CLN6: variants seen among roughly 807,000 people sequenced by gnomAD.
CLN6 encodes CLN6 transmembrane ER protein.
Under a neutral mutation model 33.3 loss-of-function variants are expected in CLN6, and 22 were observed. The ratio of observed to expected loss-of-function variants is 0.66; its 90% CI spans 0.47 to 0.94. The LOEUF (loss-of-function observed/expected upper bound fraction) is 0.94, where lower values mean the gene tolerates loss of function less well. Ranked by LOEUF, CLN6 falls within the 40% of genes least tolerant of loss-of-function variation. The pLI, the probability that CLN6 is intolerant of heterozygous loss-of-function variation, is 0.00. For missense variants in CLN6, 387 were observed against 417.1 expected, an observed-to-expected ratio of 0.93 and a Z score of 0.63; for synonymous variants, 201 against 174.6, an observed-to-expected ratio of 1.15 and a Z score of -1.19.
chr15:68,215,201 C>A (rs899006877), intron 2 of CLN6: 1 of 152,242 alleles, frequency 6.6e-6, no homozygotes, highest in Non-Finnish European at 1.5e-5. Context: ...TCTCTTTTAA[C>A]ACAGAAATGC....
intron 1 of CLN6, among the ~76,000 whole-genome samples, chr15:68,235,587 AATATATATATATATATAT>A (rs59823320): frequency 1.5e-4 from 14 of 95,092 alleles, no homozygotes; most frequent in African/African-American, 5.1e-4. Context: ...AATAAAAATA[AATATATATATATATATAT>A]ATATATATAT....
chr15:68,241,581 G>A lies in CLN6; in HGVS notation c.179+15109C>T, dbSNP rs1440904294. On this transcript the variant is annotated intron_variant, in intron 1 of 6. Transcript: ENST00000538696. This position sits in a 1 kb window ranked among gnomAD's most constrained non-coding sequence, Gnocchi z 4.2. ...ATGGGAAGCATCATGATTGCCTGAA[G>A]GAAGAAATATCTCTGAGGACACTGA... Among the ~76,000 whole-genome samples the A allele has an allele frequency of 6.6e-6, 1 of 152,144 alleles. No individual in the cohort carries two copies. The highest frequency in any genetic ancestry group is 2.4e-5 in the African/African-American group (1 of 41,418).
At position 68,209,454 on chromosome 15, in the gene CLN6, A is replaced by C. The variant is rs1595817039; in HGVS notation, c.665+183T>G. The stretch of plus-strand genomic sequence containing the variant: ...CCTGCCACACCCAGGCCTGGGCTTC[A>C]TGGAAACAAAGAGGCCACCACAGGG... On this transcript the variant is annotated intron_variant, in intron 6 of 6. Transcript: ENST00000249806. This position sits in a 1 kb window ranked among gnomAD's most constrained non-coding sequence, Gnocchi z 4.9. Among the ~76,000 whole-genome samples, 1 of 152,256 alleles carries C rather than the reference A, an allele frequency of 6.6e-6. No homozygotes were observed. Among genetic ancestry groups the C allele is most frequent in the South Asian group, 2.1e-4 (1 of 4,826 alleles).
chr15:68,223,030 T>C (rs1156959934), intron 1 of CLN6, among the ~76,000 whole-genome samples: 4 of 151,844 alleles, frequency 2.6e-5, no homozygotes, highest in Admixed American at 6.6e-5. Flanking sequence ...CCAGAGACCT[T>C]TGTTCACGTG....
At chr15:68,244,429 A>C (rs1892309318) in intron 1 of CLN6, among the ~76,000 whole-genome samples, 1 of 152,140 alleles carries the variant, frequency 6.6e-6, no homozygotes, top group Non-Finnish European at 1.5e-5. Context: ...AAAGAAAAAA[A>C]AAACTGCCAT....
In CLN6 at chr15:68,209,512, A is replaced by C; in HGVS notation, c.665+125T>G. 2 of 1,344,564 alleles carry C rather than the reference A, an allele frequency of 1.5e-6. No homozygotes were observed. The highest frequency in any genetic ancestry group is 1.4e-5 in the African/African-American group (1 of 69,926). The allele number at this position is 1,344,564 out of a possible 1,614,324, so 83.3% of individuals were successfully genotyped here. ...ACAGTCCCCACTAGACACAAGAAGA[A>C]GCACGGGCCCAAAGAGGGCCAGTCT... On this transcript the variant is annotated intron_variant, in intron 6 of 6. Transcript: ENST00000249806. The surrounding 1 kb of genome is among the most constrained non-coding windows in gnomAD (Gnocchi z 4.9).
chr15:68,211,557 T>C lies in CLN6; in HGVS notation c.486+118A>G. On this transcript the variant is annotated intron_variant, in intron 4 of 6. Transcript: ENST00000249806. The surrounding 1 kb of genome is among the most constrained non-coding windows in gnomAD (Gnocchi z 5.9). The stretch of plus-strand genomic sequence containing the variant: ...TGGGGCAGGCGACAGTGCCCTCACC[T>C]AGCAGAATGCCTTTGGTGAAAGGAC... 5 of 1,600,056 alleles carry C rather than the reference T, an allele frequency of 3.1e-6. No homozygotes were observed. Among genetic ancestry groups the C allele is most frequent in the Non-Finnish European group, 4.2e-6 (5 of 1,179,058 alleles).
chr15:68,224,974 C>T (rs144154549), intron 1 of CLN6, among the ~76,000 whole-genome samples: 3 of 152,214 alleles, frequency 2.0e-5, no homozygotes, highest in Non-Finnish European at 4.4e-5. Flanking sequence ...ATGCCATACA[C>T]TTAAAATCCT....
upstream of CLN6, chr15:68,229,767 A>AGGCGGGGCGGAGCGGAGGGAGGCGGG: frequency 3.1e-6 from 1 of 317,896 alleles, no homozygotes; most frequent in Non-Finnish European, 5.5e-6. Context: ...AGCGGAGCGG[A>AGGCGGGGCGGAGCGGAGGGAGGCGGG]GCGGAGCGGA....
Position 68,214,477 on chromosome 15 carries a change from C to T in CLN6, c.199-89G>A, listed in dbSNP as rs1445703201. ...GGGAGTCTGCCCCTAATGCCGCCCA[C>T]CCCAACTCCTTTCACCCCCCACCCC... On this transcript the variant is annotated intron_variant, in intron 2 of 6. Transcript: ENST00000249806. The T allele has an allele frequency of 1.1e-5, 9 of 843,136 alleles. No individual in the cohort carries two copies. The African/African-American group carries it at 1.3e-4, about 13-fold the overall frequency. 52.2% of individuals were successfully genotyped at this position (843,136 alleles called of 1,614,324 possible).
intron 3 of CLN6, 155 bp downstream of exon 3, chr15:68,214,135 C>T (rs1242522399): frequency 3.1e-6 from 2 of 649,022 alleles, no homozygotes; most frequent in East Asian, 5.6e-5. Flanking sequence ...CTTCCCCGGG[C>T]CCCAGGCCCT....
chr15:68,257,177 C>T (rs111242038), upstream of CLN6: 7 of 286,376 alleles, frequency 2.4e-5, no homozygotes, highest in Non-Finnish European at 4.5e-5. Flanking sequence ...ACGCACGCGC[C>T]CGGCGTCGCT....
Position 68,256,968 on chromosome 15 carries a change from T to A in CLN6, c.-100A>T, listed in dbSNP as rs1175995553. On this transcript the variant is annotated 5_prime_UTR_variant, in exon 1 of 7. Coordinates refer to the CLN6 transcript ENST00000538696. This position sits in a 1 kb window ranked among gnomAD's most constrained non-coding sequence, Gnocchi z 4.1. The stretch of plus-strand genomic sequence containing the variant: ...GGTGTAGTGATGGTCACGCATCCCT[T>A]CCCTGGGCTTCTCCGGCACACCTGT... The A allele has an allele frequency of 6.8e-6, 4 of 584,792 alleles. No individual in the cohort carries two copies. The East Asian group carries it at 1.1e-4, about 16-fold the overall frequency. The allele number at this position is 584,792 out of a possible 1,614,324, so 36.2% of individuals were successfully genotyped here.
In CLN6 at chr15:68,229,510, C is replaced by T; in HGVS notation, c.75G>A (p.Leu25=). Residue 25 remains leucine (L), a synonymous_variant, in exon 1 of 7, where the codon CTG becomes CTA. Coordinates refer to ENST00000249806, the MANE Select transcript of CLN6 (RefSeq NM_017882.3). ...GPGAQLGASF[L]QARHGSVSAD... is the part of the protein sequence containing the mutation. ...CCCCGGCGCGCGCCCACCTGGCCTG[C>T]AGGAAGGAGGCGCCCAGCTGCGCGC... 6.8e-7 allele frequency: 1 copy of T among 1,467,298 alleles called. No homozygotes were observed. Among genetic ancestry groups the T allele is most frequent in the South Asian group, 1.3e-5 (1 of 77,972 alleles). The allele number at this position is 1,467,298 out of a possible 1,614,324, so 90.9% of individuals were successfully genotyped here. A position where few individuals can be genotyped will look rare whatever the true frequency, so the allele number is the denominator to read the frequency against.
At chr15:68,221,519 C>T (rs377253571) in intron 1 of CLN6, among the ~76,000 whole-genome samples, 6 of 152,038 alleles carry the variant, frequency 3.9e-5, no homozygotes, top group South Asian at 4.1e-4. Context: ...GACGGAGTCT[C>T]GCTCACTCAA....
chr15:68,251,416 TG>T (rs552345594), intron 1 of CLN6, among the ~76,000 whole-genome samples: 175 of 152,316 alleles, frequency 1.1e-3, no homozygotes, highest in Non-Finnish European at 2.1e-3. Context: ...GGCTCACACC[TG>T]TAATCCCAGC....
chr15:68,221,001 TA>T (rs1184619799), intron 1 of CLN6, among the ~76,000 whole-genome samples: 16 of 682 alleles, frequency 0.023, no homozygotes, highest in African/African-American at 0.11. Context: ...AATTTTATTT[TA>T]TTATTATTAT....
chr15:68,238,826 A>G (rs1321774989), intron 1 of CLN6, among the ~76,000 whole-genome samples: 3 of 152,246 alleles, frequency 2.0e-5, no homozygotes, highest in Admixed American at 6.5e-5. Flanking sequence ...AAGAATGATG[A>G]GCAAATCAAT....
At chr15:68,230,541 G>GAT (rs1472764619), upstream of CLN6, among the ~76,000 whole-genome samples, 10 of 152,212 alleles carry the variant, frequency 6.6e-5, no homozygotes, top group Non-Finnish European at 1.5e-4. The surrounding 1 kb of genome is among the most constrained non-coding windows in gnomAD (Gnocchi z 4.0). Flanking sequence ...CTGCAGGGCA[G>GAT]ATTGCCAGGA....
Sources: allele counts gnomAD v4.1 joint callset (sites outside exome capture counted in the v4.1 genomes callset), GRCh38; gene constraint gnomAD v4.1.1; non-coding constraint Gnocchi (gnomAD v3.1); transcripts MANE v1.5; gene names NCBI Gene and HGNC (gene_info 2026-07-23, HGNC 2026-07-21).